ECSIT: variants seen among roughly 807,000 people sequenced by gnomAD.
ECSIT encodes ECSIT signaling integrator.
In ECSIT, 29 loss-of-function variants were observed where a neutral mutation model predicts 36.8. The observed-to-expected ratio is 0.79, with a 90% CI of 0.59 to 1.08. The LOEUF is 1.08. Ranked by LOEUF, ECSIT falls within the 50% of genes least tolerant of loss-of-function variation. ECSIT has a pLI of 0.00. For synonymous variants in ECSIT, 231 were observed against 234.8 expected, an observed-to-expected ratio of 0.98 and a Z score of 0.15; for missense variants, 542 against 581.0, an observed-to-expected ratio of 0.93 and a Z score of 0.69.
chr19:11,516,806 T>C (rs10423871), intron 2 of ECSIT, among the ~76,000 whole-genome samples: 2,599 of 151,690 alleles, frequency 0.017, 78 homozygotes, highest in African/African-American at 0.06. Context: ...TCACCTGAGG[T>C]CAGGAGTTTG....
intron 7 of ECSIT, 36 bp from the exon 8 acceptor site, chr19:11,506,464 T>TG: frequency 6.3e-7 from 1 of 1,577,436 alleles, no homozygotes; most frequent in Non-Finnish European, 8.6e-7. Context: ...GTTTGCACAG[T>TG]GGGGGCTGCA....
In ECSIT at chr19:11,506,446, C is replaced by T. The variant is rs764131197; in HGVS notation, c.1052-18G>A. 6.2e-7 allele frequency: 1 copy of T among 1,602,516 alleles called. No homozygotes were observed. Among genetic ancestry groups the T allele is most frequent in the Non-Finnish European group, 8.5e-7 (1 of 1,171,692 alleles). On this transcript the variant is annotated intron_variant, in intron 7 of 7. Coordinates refer to ENST00000270517, the MANE Select transcript of ECSIT (RefSeq NM_016581.5). The stretch of plus-strand genomic sequence containing the variant: ...TTCCTCCACTGTTGGAAGACATGCA[C>T]CCTTAAGGTTTGCACAGTGGGGGCT...
rs539373736 is a variant in ECSIT, at chr19:11,528,009, AAAAT to A, written c.-24+1049_-24+1052del. On this transcript the variant is annotated intron_variant, in intron 1 of 7. Transcript: ENST00000270517. ...AGTGAGATCCTGTCTCTAAAAAATA[AAAAT>A]AAATAAATAAAATCAGATAGGGTCT... 2.7e-3 allele frequency among the ~76,000 whole-genome samples: 404 copies of A among 152,270 alleles called. 2 individuals are homozygous for A. Among genetic ancestry groups the A allele is most frequent in the African/African-American group, 8.8e-3 (366 of 41,542 alleles).
chr19:11,507,734 G>T lies in ECSIT; in HGVS notation c.913C>A (p.Leu305Ile). 1 of 1,614,126 alleles carries T rather than the reference G, an allele frequency of 6.2e-7. No individual in the cohort carries two copies. Among genetic ancestry groups the T allele is most frequent in the Non-Finnish European group, 8.5e-7 (1 of 1,180,034 alleles). The change falls in exon 6 of 8, where the codon CTC becomes ATC. Residue 305 changes from leucine to isoleucine, a missense_variant. Coordinates refer to ENST00000270517, the MANE Select transcript of ECSIT (RefSeq NM_016581.5). Reference protein sequence around the residue: ...LRNKCVYYHILRADLLPPEER... With the variant: ...LRNKCVYYHIIRADLLPPEER... ...TCCGGGGGCAGCAAGTCAGCTCTGA[G>T]GATGTGGTAATACACACACTTGTTG...
In ECSIT at chr19:11,507,528, T is replaced by G. The variant is rs1599574915; in HGVS notation, c.980A>C (p.Tyr327Ser). 6.2e-7 allele frequency: 1 copy of G among 1,614,076 alleles called. No homozygotes were observed. The highest frequency in any genetic ancestry group is 8.5e-7 in the Non-Finnish European group (1 of 1,180,010). Residue 327 changes from tyrosine to serine, a missense_variant, in exon 7 of 8, where the codon TAC (tyrosine) becomes TCC (serine). Physicochemically the swap from Tyr to Ser is moderately radical, Grantham distance 144. Transcript: ENST00000270517. ...VEETPEEWNL[Y>S]YPMQLDLEYV... ...CTCCAGGTCCAGCTGCATCGGGTAGTAGAGGTTCCACTCCTCCGGCGTCTC... is the reference window on the plus strand; with the variant it reads ...CTCCAGGTCCAGCTGCATCGGGTAGGAGAGGTTCCACTCCTCCGGCGTCTC...
At chr19:11,516,358 G>A (rs1971997555) in intron 2 of ECSIT, 2 of 152,148 alleles carry the variant, frequency 1.3e-5, no homozygotes, top group African/African-American at 4.8e-5. Flanking sequence ...ATTTTAAATT[G>A]AATTTTTAAA....
At chr19:11,507,279 T>G (rs572345805) in intron 7 of ECSIT, among the ~76,000 whole-genome samples, 178 bp downstream of exon 7, 1 of 146,904 alleles carries the variant, frequency 6.8e-6, no homozygotes, top group East Asian at 1.9e-4. Context: ...TCCAGGTTTT[T>G]GCCTTTTTTT....
chr19:11,509,069 A>AT (rs140542540), intron 4 of ECSIT, among the ~76,000 whole-genome samples: 13,130 of 136,540 alleles, frequency 0.096, 733 homozygotes, highest in African/African-American at 0.15. Flanking sequence ...ACACTAGACA[A>AT]TTTTTTTTTT....
At position 11,524,697 on chromosome 19, in the gene ECSIT, C is replaced by T. The variant is rs530314717; in HGVS notation, c.-24+4365G>A. On this transcript the variant is annotated intron_variant, in intron 1 of 7. Coordinates refer to ENST00000270517, the MANE Select transcript of ECSIT (RefSeq NM_016581.5). ...AATACCAGCTGGGTGTGGTGGCACT[C>T]ATTTGTAGTCCCAGCTACTCAGGAG... Among the ~76,000 whole-genome samples, 86 of 151,692 alleles carry T rather than the reference C, an allele frequency of 5.7e-4. 1 individual carries two copies. The South Asian group carries it at 8.1e-3, about 14-fold the overall frequency.
chr19:11,527,336 A>C (rs1325922003), intron 1 of ECSIT, among the ~76,000 whole-genome samples: 1 of 152,084 alleles, frequency 6.6e-6, no homozygotes, highest in Non-Finnish European at 1.5e-5. Context: ...TAAATAAATA[A>C]ATCAACTAAA....
At chr19:11,517,979 C>T (rs905109707) in intron 2 of ECSIT, among the ~76,000 whole-genome samples, 1 of 152,064 alleles carries the variant, frequency 6.6e-6, no homozygotes, top group African/African-American at 2.4e-5. Flanking sequence ...AATCCCCTCA[C>T]CCACGTAGGC....
At chr19:11,523,825 G>C (rs1171487136) in intron 1 of ECSIT, 1 of 604,410 alleles carries the variant, frequency 1.7e-6, no homozygotes, top group Non-Finnish European at 3.1e-6. Context: ...TCAAATGCAA[G>C]AAATGAAGAC....
chr19:11,522,194 G>T, intron 1 of ECSIT: 2 of 518,008 alleles, frequency 3.9e-6, no homozygotes, highest in South Asian at 2.1e-5. Context: ...TGCGGGTGAA[G>T]AACTTCGGCA....
At position 11,507,800 on chromosome 19, in the gene ECSIT, G is replaced by A. The variant is rs376399328; in HGVS notation, c.847C>T (p.Arg283Trp). The change falls in exon 6 of 8, where the codon CGG (arginine) becomes TGG (tryptophan). Residue 283 changes from arginine (R) to tryptophan (W), a missense_variant. Arg to Trp is a moderately radical substitution (Grantham distance 101). Transcript: ENST00000270517. ...QAALARHNPA[R>W]PVFVEGPFSL... is the part of the protein sequence containing the mutation. ...AAGGGGCCCTCAACAAAGACAGGCCGGGCTGGATTGTGGCGGGCCAGGGCG... is the reference window on the plus strand; with the variant it reads ...AAGGGGCCCTCAACAAAGACAGGCCAGGCTGGATTGTGGCGGGCCAGGGCG... 6 of 1,613,946 alleles carry A rather than the reference G, an allele frequency of 3.7e-6. No homozygotes were observed. The highest frequency in any genetic ancestry group is 1.6e-4 in the Middle Eastern group (1 of 6,084).
chr19:11,507,935 C>T (rs1289759328), intron 5 of ECSIT, 56 bp downstream of exon 5: 2 of 1,613,918 alleles, frequency 1.2e-6, no homozygotes, highest in Non-Finnish European at 1.7e-6. Flanking sequence ...CAGCGAGAAC[C>T]TGGCAGGGCC....
chr19:11,511,601 G>A (rs1017150518), intron 4 of ECSIT, among the ~76,000 whole-genome samples: 1 of 152,136 alleles, frequency 6.6e-6, no homozygotes, highest in African/African-American at 2.4e-5. Context: ...GGGTGCTATG[G>A]TCTGAATGTT....
At chr19:11,522,126 G>A (rs1397302675) in intron 1 of ECSIT, 3 of 396,466 alleles carry the variant, frequency 7.6e-6, no homozygotes, top group Admixed American at 7.1e-5. Context: ...AGCTAAAGAA[G>A]ATGAAGAAGT....
At chr19:11,522,340 C>A in intron 1 of ECSIT, 1 of 750,898 alleles carries the variant, frequency 1.3e-6, no homozygotes, top group Non-Finnish European at 2.4e-6. Flanking sequence ...CCATTCCATC[C>A]AGATCATGAA....
chr19:11,508,007 G>A lies in ECSIT; in HGVS notation c.780C>T (p.Pro260=). The part of the protein sequence containing the change: ...PKDSTGAADP[P]QPHIVGIQSP... The stretch of plus-strand genomic sequence containing the variant: ...CGGACTTACCTACGATGTGGGGCTG[G>A]GGGGGATCTGCTGCACCTGTTGAGT... The change falls in exon 5 of 8, where the codon CCC becomes CCT. Residue 260 remains proline, a synonymous_variant. Transcript: ENST00000270517. 2.5e-6 allele frequency: 4 copies of A among 1,614,178 alleles called. No homozygotes were observed. The highest frequency in any genetic ancestry group is 1.3e-5 in the African/African-American group (1 of 75,040).
Sources: allele counts gnomAD v4.1 joint callset (sites outside exome capture counted in the v4.1 genomes callset), GRCh38; gene constraint gnomAD v4.1.1; transcripts MANE v1.5; gene names NCBI Gene and HGNC (gene_info 2026-07-23, HGNC 2026-07-21).